Variants in INPP5A observed in about 807,000 individuals in gnomAD.
The protein encoded by INPP5A is inositol polyphosphate-5-phosphatase A, also known as 43 kDa inositol polyphosphate 5-phophatase.
Under a neutral mutation model 65.2 loss-of-function variants are expected in INPP5A, and 14 were observed. The observed-to-expected ratio is 0.21, with a 90% CI of 0.14 to 0.34. The LOEUF (loss-of-function observed/expected upper bound fraction) is 0.34, where lower values mean the gene tolerates loss of function less well. Among genes scored for constraint, INPP5A ranks in the 10% least tolerant of loss-of-function variants. INPP5A has a pLI of 1.00. For synonymous variants in INPP5A, 207 were observed against 208.3 expected (o/e 0.99, Z 0.05); for missense variants, 431 against 545.6 (o/e 0.79, Z 2.09).
chr10:132,669,257 T>TAAAC (rs1025526287), intron 4 of INPP5A, among the ~76,000 whole-genome samples: 1 of 151,698 alleles, frequency 6.6e-6, no homozygotes, highest in East Asian at 1.9e-4. Context: ...CATCTCAAAA[T>TAAAC]AAACAAACAA....
chr10:132,548,792 CTTTTTT>C (rs71013535), intron 1 of INPP5A, among the ~76,000 whole-genome samples: 2 of 79,270 alleles, frequency 2.5e-5, no homozygotes, highest in African/African-American at 5.0e-5. Flanking sequence ...GTTTATCTGG[CTTTTTT>C]TTTTTTTTTT....
chr10:132,601,341 G>A (rs2071775204), intron 1 of INPP5A, among the ~76,000 whole-genome samples: 1 of 152,096 alleles, frequency 6.6e-6, no homozygotes, highest in African/African-American at 2.4e-5. Context: ...ATTTTTAATG[G>A]GGTTGTATGT....
rs2070864951 is a variant in INPP5A at position 132,538,178 on chromosome 10, C to G, written c.75+7C>G. On this transcript the variant is annotated splice_region_variant and intron_variant, in intron 1 of 15. Coordinates refer to ENST00000368594, the MANE Select transcript of INPP5A (RefSeq NM_005539.5). This position sits in a 1 kb window ranked among gnomAD's most constrained non-coding sequence, Gnocchi z 4.1. ...GGGCTCGCTCTTCGACGACGTAAGT[C>G]CCCCGTGCCGGCGGCAGGCCCCAAG... 1 of 1,275,328 alleles carries G rather than the reference C, an allele frequency of 7.8e-7. No homozygotes were observed. The highest frequency in any genetic ancestry group is 2.7e-5 in the South Asian group (1 of 37,682). The allele number at this position is 1,275,328 out of a possible 1,614,324, so 79.0% of individuals were successfully genotyped here.
chr10:132,640,622 G>C (rs756926861), intron 2 of INPP5A, among the ~76,000 whole-genome samples: 7 of 152,230 alleles, frequency 4.6e-5, no homozygotes, highest in Non-Finnish European at 8.8e-5. Flanking sequence ...CAGCCTCCTC[G>C]GGCACATGTT....
At chr10:132,596,459 C>T (rs191393110) in intron 1 of INPP5A, among the ~76,000 whole-genome samples, 165 of 148,842 alleles carry the variant, frequency 1.1e-3, no homozygotes, top group African/African-American at 3.8e-3. Flanking sequence ...GATGGAGTCT[C>T]GCACTGTCAC....
intron 4 of INPP5A, among the ~76,000 whole-genome samples, chr10:132,687,409 A>C (rs974262614): frequency 1.3e-5 from 2 of 152,228 alleles, no homozygotes; most frequent in African/African-American, 4.8e-5. Context: ...GCAGCAGCTC[A>C]CCAGGGCATG....
intron 11 of INPP5A, among the ~76,000 whole-genome samples, chr10:132,755,387 A>T (rs1002274453): frequency 1.4e-5 from 2 of 143,964 alleles, no homozygotes; most frequent in African/African-American, 5.3e-5. Context: ...TGTGCGTGAG[A>T]GCAGGTGTGA....
At chr10:132,740,566 C>CT (rs1156848840) in intron 9 of INPP5A, among the ~76,000 whole-genome samples, 1 of 152,182 alleles carries the variant, frequency 6.6e-6, no homozygotes, top group Non-Finnish European at 1.5e-5. Context: ...TTCCTATTAA[C>CT]TCGTTTTAAG....
At chr10:132,770,080 C>T (rs955267263) in intron 12 of INPP5A, among the ~76,000 whole-genome samples, 5 of 152,144 alleles carry the variant, frequency 3.3e-5, no homozygotes, top group Non-Finnish European at 5.9e-5. Flanking sequence ...ACAGGGCTGG[C>T]GAGGGCGGCG....
At chr10:132,731,384 A>G (rs1257580205) in intron 9 of INPP5A, among the ~76,000 whole-genome samples, 1 of 151,850 alleles carries the variant, frequency 6.6e-6, no homozygotes, top group Non-Finnish European at 1.5e-5. Flanking sequence ...CCTGCCCTGT[A>G]TCAGACGCCC....
intron 1 of INPP5A, among the ~76,000 whole-genome samples, chr10:132,556,874 A>G (rs564734461): frequency 5.8e-4 from 88 of 152,080 alleles, no homozygotes; most frequent in African/African-American, 2.0e-3. Context: ...TGAGGCAGTG[A>G]CTGTAGGGTT....
At chr10:132,757,139 A>G (rs994756102) in intron 11 of INPP5A, among the ~76,000 whole-genome samples, 3 of 152,192 alleles carry the variant, frequency 2.0e-5, no homozygotes, top group Non-Finnish European at 4.4e-5. Context: ...TTACGAGAAA[A>G]TACATTTCAG....
chr10:132,565,255 A>G (rs1564918064), intron 1 of INPP5A, among the ~76,000 whole-genome samples: 1 of 152,192 alleles, frequency 6.6e-6, no homozygotes, highest in South Asian at 2.1e-4. Context: ...GATTACAGGC[A>G]TGCACCACCA....
intron 1 of INPP5A, among the ~76,000 whole-genome samples, chr10:132,563,956 C>G (rs191469789): frequency 2.0e-5 from 3 of 152,156 alleles, no homozygotes; most frequent in Admixed American, 2.0e-4. Context: ...GGAGCAAAGT[C>G]GTCCTGGTTC....
At position 132,637,065 on chromosome 10, in the gene INPP5A, G is replaced by A. The variant is rs532914847; in HGVS notation, c.118-8803G>A. ...CCCAAGTAGGTAGGACTACAAGCGT[G>A]CGCCACCAGGCCCAGCTAATTTTTG... On this transcript the variant is annotated intron_variant, in intron 2 of 15. Coordinates refer to ENST00000368594, the MANE Select transcript of INPP5A (RefSeq NM_005539.5). This position sits in a 1 kb window ranked among gnomAD's most constrained non-coding sequence, Gnocchi z 4.1. Among the ~76,000 whole-genome samples the A allele has an allele frequency of 5.9e-5, 9 of 152,252 alleles. No individual in the cohort carries two copies. The highest frequency in any genetic ancestry group is 2.2e-4 in the African/African-American group (9 of 41,558).
At chr10:132,558,626 G>A (rs139441078) in intron 1 of INPP5A, among the ~76,000 whole-genome samples, 1 of 152,330 alleles carries the variant, frequency 6.6e-6, no homozygotes, top group Non-Finnish European at 1.5e-5. Context: ...GCTGTTGGAG[G>A]AGCCCTTCCT....
chr10:132,682,948 A>G (rs2073067001), intron 4 of INPP5A, among the ~76,000 whole-genome samples: 2 of 151,818 alleles, frequency 1.3e-5, no homozygotes, highest in Admixed American at 6.6e-5. Context: ...TGACCCAGCA[A>G]TGCTGTGTAT....
intron 8 of INPP5A, among the ~76,000 whole-genome samples, chr10:132,711,086 T>A (rs1198332714): frequency 1.3e-5 from 2 of 152,184 alleles, no homozygotes; most frequent in South Asian, 4.1e-4. Flanking sequence ...TCTCTCTGAC[T>A]TTTTTGTGGG....
At chr10:132,658,251 G>T (rs1391484132) in intron 4 of INPP5A, among the ~76,000 whole-genome samples, 1 of 152,130 alleles carries the variant, frequency 6.6e-6, no homozygotes, top group Non-Finnish European at 1.5e-5. Context: ...TCTTTGAATT[G>T]ATTTTTCATT....
Sources: allele counts gnomAD v4.1 joint callset (sites outside exome capture counted in the v4.1 genomes callset), GRCh38; gene constraint gnomAD v4.1.1; non-coding constraint Gnocchi (gnomAD v3.1); transcripts MANE v1.5; gene names NCBI Gene and HGNC (gene_info 2026-07-23, HGNC 2026-07-21).